Variants in VANGL1 observed in about 807,000 individuals in gnomAD.
VANGL1 encodes VANGL planar cell polarity protein 1.
VANGL1 carries 18 observed loss-of-function variants against 48.4 expected under a neutral mutation model. The ratio of observed to expected loss-of-function variants is 0.37; its 90% confidence interval spans 0.26 to 0.55. VANGL1 has a LOEUF of 0.55. Among genes scored for constraint, VANGL1 ranks in the 20% least tolerant of loss-of-function variants. VANGL1 has a pLI of 0.81. For missense variants in VANGL1, 667 were observed against 675.8 expected (o/e 0.99, Z 0.14); for synonymous variants, 257 against 261.8 (o/e 0.98, Z 0.18).
chr1:115,651,855 C>G (rs1652159813), intron 2 of VANGL1, among the ~76,000 whole-genome samples: 1 of 151,726 alleles, frequency 6.6e-6, no homozygotes, highest in Admixed American at 6.6e-5. Context: ...CTTGTGGGTT[C>G]ACGCCACTCT....
intron 2 of VANGL1, among the ~76,000 whole-genome samples, chr1:115,652,385 G>A (rs981842753): frequency 5.3e-5 from 8 of 152,180 alleles, no homozygotes; most frequent in Non-Finnish European, 1.0e-4. Flanking sequence ...CAGATAGGTG[G>A]CACTGTACCA....
chr1:115,653,127 G>A (rs17034100), intron 2 of VANGL1, among the ~76,000 whole-genome samples: 16,175 of 152,128 alleles, frequency 0.11, 989 homozygotes, highest in South Asian at 0.27. Context: ...GATTATGGTC[G>A]TATTTTCTTT....
intron 5 of VANGL1, among the ~76,000 whole-genome samples, chr1:115,682,911 G>A (rs1461317288): frequency 1.3e-5 from 2 of 152,174 alleles, no homozygotes; most frequent in Non-Finnish European, 2.9e-5. Context: ...CTTCTTACTC[G>A]TGGCTAGGAG....
In VANGL1 at chr1:115,691,612, G is replaced by A. The variant is rs188834002; in HGVS notation, c.*233G>A. The stretch of plus-strand genomic sequence containing the variant: ...GACTTTTGTCGATGGGACTTCTCAA[G>A]AAGCCATTCCTTGGAGCTTCTGTTA... On this transcript the variant is annotated 3_prime_UTR_variant, in exon 8 of 8. Coordinates refer to ENST00000355485, the MANE Select transcript of VANGL1 (RefSeq NM_138959.3). 1.1e-4 allele frequency: 54 copies of A among 480,194 alleles called. No individual in the cohort carries two copies. Among genetic ancestry groups the A allele is most frequent in the African/African-American group, 9.8e-4 (50 of 50,820 alleles). 29.7% of individuals were successfully genotyped at this position (480,194 alleles called of 1,614,324 possible). A position where few individuals can be genotyped will look rare whatever the true frequency, so the allele number is the denominator to read the frequency against.
intron 5 of VANGL1, among the ~76,000 whole-genome samples, chr1:115,683,174 A>C (rs1265827697): frequency 1.3e-5 from 2 of 151,990 alleles, no homozygotes; most frequent in Non-Finnish European, 2.9e-5. Flanking sequence ...TTTTTTGGCT[A>C]TATGAGGTGT....
At chr1:115,678,519 A>G (rs1653252446) in intron 4 of VANGL1, among the ~76,000 whole-genome samples, 2 of 152,198 alleles carry the variant, frequency 1.3e-5, no homozygotes, top group Non-Finnish European at 2.9e-5. Flanking sequence ...CAGAGTGGGG[A>G]TAGATGGCCT....
At chr1:115,680,790 A>G (rs775765120) in intron 4 of VANGL1, among the ~76,000 whole-genome samples, 10 of 152,120 alleles carry the variant, frequency 6.6e-5, no homozygotes, top group Non-Finnish European at 1.2e-4. Context: ...TCTTGGTGTG[A>G]AGTGAGGATC....
intron 1 of VANGL1, among the ~76,000 whole-genome samples, chr1:115,646,451 C>T (rs1436209180): frequency 1.3e-5 from 2 of 150,496 alleles, no homozygotes; most frequent in African/African-American, 4.9e-5. Context: ...GGCATACGAA[C>T]TCTGCCCCTG....
intron 6 of VANGL1, 107 bp from the exon 7 acceptor site, chr1:115,685,186 T>C (rs1292853577): frequency 1.1e-5 from 13 of 1,185,044 alleles, no homozygotes; most frequent in Non-Finnish European, 1.6e-5. Context: ...GATTGGGCCT[T>C]GGGTATGTTG....
chr1:115,694,558 G>A lies in VANGL1; in HGVS notation c.*3179G>A, dbSNP rs1653965352. Reference sequence around the variant, plus strand: ...TTTCGAGTGCATGTATTTACCTAAGGGCTGTAGCTCTGTGGGATGCTACCA... The same window carrying A: ...TTTCGAGTGCATGTATTTACCTAAGAGCTGTAGCTCTGTGGGATGCTACCA... On this transcript the variant is annotated 3_prime_UTR_variant, in exon 8 of 8. Transcript: ENST00000355485. 1.3e-5 allele frequency: 2 copies of A among 151,974 alleles called. No homozygotes were observed. The highest frequency in any genetic ancestry group is 1.3e-4 in the Admixed American group (2 of 15,240). The allele number at this position is 151,974 out of a possible 1,614,324, so 9.4% of individuals were successfully genotyped here.
intron 2 of VANGL1, among the ~76,000 whole-genome samples, chr1:115,656,432 G>A (rs1054644587): frequency 2.0e-5 from 3 of 152,170 alleles, no homozygotes; most frequent in Non-Finnish European, 4.4e-5. Flanking sequence ...GGGATGCTGG[G>A]AAAAATTTTG....
chr1:115,644,350 G>C (rs1651838069), intron 1 of VANGL1, among the ~76,000 whole-genome samples: 1 of 152,184 alleles, frequency 6.6e-6, no homozygotes, highest in Non-Finnish European at 1.5e-5. Flanking sequence ...GTAAACACTT[G>C]ACAACTAGAA....
Position 115,666,188 on chromosome 1 carries a change from T to C in VANGL1, c.812+1920T>C, listed in dbSNP as rs531558269. Among the ~76,000 whole-genome samples, 4 of 152,300 alleles carry C rather than the reference T, an allele frequency of 2.6e-5. No individual in the cohort carries two copies. The East Asian group carries it at 7.7e-4, about 29-fold the overall frequency. ...GCCAGGAGTGAGGTCTATGGTGGTT[T>C]TGTTTTTTGGCCCTTAGCCCTAGTT... On this transcript the variant is annotated intron_variant, in intron 4 of 7. Transcript: ENST00000355485.
intron 7 of VANGL1, among the ~76,000 whole-genome samples, chr1:115,686,370 CAAAAAAAAAAA>C (rs10667490): frequency 2.2e-4 from 23 of 104,952 alleles, no homozygotes; most frequent in Non-Finnish European, 3.4e-4. Flanking sequence ...AGACTCCGTC[CAAAAAAAAAAA>C]AAAAAAAAAT....
At chr1:115,681,195 A>G (rs902672211) in intron 4 of VANGL1, among the ~76,000 whole-genome samples, 2 of 152,192 alleles carry the variant, frequency 1.3e-5, no homozygotes, top group African/African-American at 4.8e-5. Context: ...TTGCTGTATC[A>G]TTGCAAGGTG....
chr1:115,646,550 C>CTT (rs10647324), intron 1 of VANGL1, among the ~76,000 whole-genome samples: 47,511 of 141,144 alleles, frequency 0.34, 9,229 homozygotes, highest in African/African-American at 0.56. Context: ...ATATCTGCAT[C>CTT]TTTTTTTTTG....
chr1:115,644,283 T>G (rs1355717861), intron 1 of VANGL1, among the ~76,000 whole-genome samples: 1 of 152,236 alleles, frequency 6.6e-6, no homozygotes, highest in Non-Finnish European at 1.5e-5. Context: ...AAACACTTGT[T>G]ATGCGGATTA....
rs1420868220 is a variant in VANGL1, at chr1:115,691,942, CTG to C, written c.*565_*566del. Reference sequence around the variant, plus strand: ...GAAAGATCACAACAAAAAATGTACACTGTCGTTTACAGCTATTAAGTGATTTG... The same window carrying C: ...GAAAGATCACAACAAAAAATGTACACTCGTTTACAGCTATTAAGTGATTTG... On this transcript the variant is annotated 3_prime_UTR_variant, in exon 8 of 8. Coordinates refer to ENST00000355485, the MANE Select transcript of VANGL1 (RefSeq NM_138959.3). The C allele has an allele frequency of 6.5e-6, 1 of 153,706 alleles. No individual in the cohort carries two copies. Among genetic ancestry groups the C allele is most frequent in the Non-Finnish European group, 1.5e-5 (1 of 68,794 alleles). The allele number at this position is 153,706 out of a possible 1,614,324, so 9.5% of individuals were successfully genotyped here.
chr1:115,658,593 T>C (rs1297761753), intron 2 of VANGL1, among the ~76,000 whole-genome samples: 3 of 152,196 alleles, frequency 2.0e-5, no homozygotes, highest in Non-Finnish European at 2.9e-5. Flanking sequence ...GCTTCTGTCC[T>C]GCCTGGGAGA....
Sources: allele counts gnomAD v4.1 joint callset (sites outside exome capture counted in the v4.1 genomes callset), GRCh38; gene constraint gnomAD v4.1.1; transcripts MANE v1.5; gene names NCBI Gene and HGNC (gene_info 2026-07-23, HGNC 2026-07-21).